Variants in DACH1 observed in about 807,000 individuals in gnomAD.
DACH1 encodes dachshund homolog 1.
DACH1 carries 12 observed loss-of-function variants against 54.2 expected under a neutral mutation model. The observed-to-expected ratio is 0.22, with a 90% CI of 0.14 to 0.36. The LOEUF (loss-of-function observed/expected upper bound fraction) is 0.36, where lower values mean the gene tolerates loss of function less well. DACH1 is among the 10% of genes least tolerant of loss of function. DACH1 has a pLI of 1.00. For missense variants in DACH1, 805 were observed against 929.8 expected (o/e 0.87, Z 1.75); for synonymous variants, 386 against 366.2 (o/e 1.05, Z -0.62).
chr13:71,737,613 A>G (rs1566469927), intron 1 of DACH1, among the ~76,000 whole-genome samples: 1 of 152,178 alleles, frequency 6.6e-6, no homozygotes, highest in South Asian at 2.1e-4. Flanking sequence ...GTAACTACTG[A>G]AGGTTTTTGG....
At chr13:71,735,661 T>TTA (rs1440657044) in intron 1 of DACH1, among the ~76,000 whole-genome samples, 1 of 151,388 alleles carries the variant, frequency 6.6e-6, no homozygotes, top group Non-Finnish European at 1.5e-5. Context: ...ATATATGGGA[T>TTA]TATATATATC....
At chr13:71,712,957 C>T (rs1395496194) in intron 1 of DACH1, among the ~76,000 whole-genome samples, 1 of 151,972 alleles carries the variant, frequency 6.6e-6, no homozygotes, top group Non-Finnish European at 1.5e-5. Context: ...ACTTTGGCTT[C>T]TATTCCTTTA....
rs202234919 is a variant in DACH1, at chr13:71,440,708, G to A, written c.2084-16C>T. ...AGTCTTCCATCTAGAAATGAACAGT[G>A]AAAAATTAATTAATGGCATGGTATT... On this transcript the variant is annotated splice_polypyrimidine_tract_variant and intron_variant, in intron 10 of 10. Transcript: ENST00000613252. 511 of 1,587,294 alleles carry A rather than the reference G, an allele frequency of 3.2e-4. 1 individual carries two copies. The highest frequency in any genetic ancestry group is 4.2e-4 in the Non-Finnish European group (483 of 1,163,016).
At position 71,853,408 on chromosome 13, in the gene DACH1, G is replaced by A. The variant is rs550792589; in HGVS notation, c.848+12514C>T. On this transcript the variant is annotated intron_variant, in intron 1 of 10. Transcript: ENST00000613252. ...TGCTTTTGGTGTGAACTCATCTTGA[G>A]TGATCTTTTATTAATGTACATTAAC... Among the ~76,000 whole-genome samples, 5 of 152,266 alleles carry A rather than the reference G, an allele frequency of 3.3e-5. No individual in the cohort carries two copies. In the South Asian group the frequency reaches 1.0e-3, roughly 32 times the overall value.
At chr13:71,546,013 T>G (rs959142723) in intron 6 of DACH1, among the ~76,000 whole-genome samples, 3 of 152,090 alleles carry the variant, frequency 2.0e-5, no homozygotes, top group African/African-American at 7.2e-5. Flanking sequence ...CTTATACAGA[T>G]ATCTGAGTAG....
At chr13:71,688,772 C>T (rs1271345680) in intron 1 of DACH1, among the ~76,000 whole-genome samples, 1 of 152,154 alleles carries the variant, frequency 6.6e-6, no homozygotes, top group Admixed American at 6.5e-5. Context: ...TAATTCAGTA[C>T]ACCAAATGAA....
intron 1 of DACH1, among the ~76,000 whole-genome samples, chr13:71,774,836 C>T (rs994698469): frequency 6.6e-6 from 1 of 152,098 alleles, no homozygotes; most frequent in African/African-American, 2.4e-5. Flanking sequence ...AGGTCACTGT[C>T]ATTTTCTATG....
intron 3 of DACH1, among the ~76,000 whole-genome samples, chr13:71,614,818 C>T (rs1281767242): frequency 6.8e-6 from 1 of 147,110 alleles, no homozygotes; most frequent in Non-Finnish European, 1.5e-5. Flanking sequence ...TGCACCATTG[C>T]ACCCCAGCCT....
rs974447826 is a variant in DACH1, at chr13:71,696,729, T to C, written c.849-14819A>G. 7.2e-5 allele frequency among the ~76,000 whole-genome samples: 11 copies of C among 152,106 alleles called. No homozygotes were observed. The East Asian group carries it at 1.7e-3, about 24-fold the overall frequency. ...CACCCGACTAATTTTGTGTTTTTAA[T>C]AGAGACAGGGATTCACTATGTTGGT... On this transcript the variant is annotated intron_variant, in intron 1 of 10. Transcript: ENST00000613252.
intron 1 of DACH1, among the ~76,000 whole-genome samples, chr13:71,842,855 C>T (rs1379569407): frequency 6.6e-6 from 1 of 152,140 alleles, no homozygotes; most frequent in Non-Finnish European, 1.5e-5. Flanking sequence ...CCAAGGATAT[C>T]TATTCTTCTG....
At chr13:71,722,133 A>G (rs1338707531) in intron 1 of DACH1, among the ~76,000 whole-genome samples, 2 of 152,286 alleles carry the variant, frequency 1.3e-5, no homozygotes, top group East Asian at 3.9e-4. Context: ...TGTATTATAA[A>G]CAGGTAATAC....
chr13:71,447,557 G>A (rs1191153787), intron 10 of DACH1, among the ~76,000 whole-genome samples: 1 of 152,068 alleles, frequency 6.6e-6, no homozygotes, highest in Non-Finnish European at 1.5e-5. Flanking sequence ...CATATGGCCG[G>A]GCGCAGTGGC....
chr13:71,847,078 ACCTCGGCCC>A (rs1873328094), intron 1 of DACH1, among the ~76,000 whole-genome samples: 1 of 152,018 alleles, frequency 6.6e-6, no homozygotes, highest in Admixed American at 6.6e-5. Context: ...TAAAGACAAA[ACCTCGGCCC>A]TATAAAATCA....
At chr13:71,479,027 C>G (rs1877809706) in intron 8 of DACH1, 142 bp downstream of exon 8, 3 of 693,784 alleles carry the variant, frequency 4.3e-6, no homozygotes, top group Non-Finnish European at 6.6e-6. Flanking sequence ...ATACAATGAG[C>G]CTAGGATTCA....
intron 1 of DACH1, among the ~76,000 whole-genome samples, chr13:71,720,163 A>C (rs960099522): frequency 1.3e-5 from 2 of 152,202 alleles, no homozygotes; most frequent in African/African-American, 4.8e-5. Flanking sequence ...AAAATGTCTC[A>C]GCAAATGGAC....
chr13:71,798,111 G>GTATAT (rs1887132301), intron 1 of DACH1, among the ~76,000 whole-genome samples: 1 of 151,664 alleles, frequency 6.6e-6, no homozygotes, highest in African/African-American at 2.4e-5. Flanking sequence ...ATAAAAATAG[G>GTATAT]TATAGAAAAG....
chr13:71,661,767 C>T (rs1428785254), intron 2 of DACH1, among the ~76,000 whole-genome samples: 1 of 151,842 alleles, frequency 6.6e-6, no homozygotes, highest in Non-Finnish European at 1.5e-5. Context: ...GGAGAGAGTA[C>T]TCAAGGCATT....
At chr13:71,447,405 GTAT>G (rs1174044184) in intron 10 of DACH1, among the ~76,000 whole-genome samples, 2 of 152,106 alleles carry the variant, frequency 1.3e-5, no homozygotes, top group African/African-American at 4.8e-5. Flanking sequence ...ATTTTTTAAT[GTAT>G]TATTATATGA....
intron 1 of DACH1, among the ~76,000 whole-genome samples, chr13:71,865,367 G>T (rs1326848716): frequency 1.3e-5 from 2 of 152,034 alleles, no homozygotes; most frequent in Non-Finnish European, 1.5e-5. Context: ...CCGCTCCCTC[G>T]CCTTTCCCAG....
Sources: gnomAD v4.1 joint callset for allele counts (sites outside exome capture counted in the v4.1 genomes callset) on GRCh38, gnomAD v4.1.1 for gene constraint, MANE v1.5 for transcripts, NCBI Gene and HGNC (gene_info 2026-07-23, HGNC 2026-07-21) for gene names.